Variants in CACNA1S observed in about 807,000 individuals in gnomAD.
The protein encoded by CACNA1S is voltage-dependent L-type calcium channel subunit alpha-1S.
A neutral mutation model predicts 207.4 loss-of-function variants in CACNA1S; 126 were observed. That is an observed-to-expected ratio of 0.61 (90% confidence interval 0.53 to 0.70). CACNA1S has a LOEUF of 0.70. Ranked by LOEUF, CACNA1S falls within the 30% of genes least tolerant of loss-of-function variation. The pLI is 0.00. For synonymous variants in CACNA1S, 960 were observed against 932.7 expected (o/e 1.03, Z -0.53); for missense variants, 2,349 against 2,422.8 (o/e 0.97, Z 0.64).
chr1:201,091,399 G>GGC (rs553897304), intron 5 of CACNA1S, among the ~76,000 whole-genome samples: 5 of 86,910 alleles, frequency 5.8e-5, no homozygotes, highest in African/African-American at 2.1e-4. Flanking sequence ...ATGTGGGGCA[G>GGC]GGGGGTGACG....
intron 31 of CACNA1S, among the ~76,000 whole-genome samples, 156 bp from the exon 32 acceptor site, chr1:201,052,804 C>A (rs577281670): frequency 6.6e-6 from 1 of 151,850 alleles, no homozygotes; most frequent in African/African-American, 2.4e-5. Flanking sequence ...CCAAAAAAAA[C>A]GGGATTATTT....
chr1:201,050,576 G>A lies in CACNA1S; in HGVS notation c.4114-60C>T, dbSNP rs373014329. 1.4e-5 allele frequency: 22 copies of A among 1,606,234 alleles called. No individual in the cohort carries two copies. The African/African-American group carries it at 1.9e-4, about 14-fold the overall frequency. On this transcript the variant is annotated intron_variant, in intron 33 of 43. Coordinates refer to ENST00000362061, the MANE Select transcript of CACNA1S (RefSeq NM_000069.3). ...AAGGCAGGTGGTACAGGGTTAGGGT[G>A]GGGGAGCTGGGAGGTGTCCACTGGC... is the stretch of plus-strand genomic sequence containing the variant.
At chr1:201,065,146 C>T (rs1404416096) in intron 22 of CACNA1S, among the ~76,000 whole-genome samples, 2 of 152,164 alleles carry the variant, frequency 1.3e-5, no homozygotes, top group East Asian at 1.9e-4. Flanking sequence ...CCAAGAGGCC[C>T]GGGATGGATG....
intron 13 of CACNA1S, 33 bp downstream of exon 13, chr1:201,075,462 G>T: frequency 2.1e-5 from 31 of 1,456,966 alleles, no homozygotes; most frequent in Non-Finnish European, 2.9e-5. Context: ...CCCTCCCTAA[G>T]CTCTTTTCTG....
At chr1:201,077,341 A>G (rs1661667357) in intron 11 of CACNA1S, among the ~76,000 whole-genome samples, 1 of 152,146 alleles carries the variant, frequency 6.6e-6, no homozygotes, top group South Asian at 2.1e-4. Context: ...GGTTAATATG[A>G]CTATTGATTA....
At chr1:201,048,182 G>A (rs777001117) in intron 36 of CACNA1S, among the ~76,000 whole-genome samples, 1 of 152,200 alleles carries the variant, frequency 6.6e-6, no homozygotes, top group Non-Finnish European at 1.5e-5. Context: ...CTCCCACCAT[G>A]CTTGTCTTCC....
rs201708136 is a variant in CACNA1S at position 201,101,596 on chromosome 1, A to AG, written c.259-7576dup. 1.2e-4 allele frequency among the ~76,000 whole-genome samples: 19 copies of AG among 152,264 alleles called. No homozygotes were observed. The East Asian group carries it at 1.4e-3, about 11-fold the overall frequency. ...ATGCATCTGCTCCCAGATGCAGGAG[A>AG]GGGTGAGAGAGACTCGCACCTTTCA... On this transcript the variant is annotated intron_variant, in intron 2 of 43. Transcript: ENST00000362061.
chr1:201,066,965 T>C lies in CACNA1S; in HGVS notation c.2579A>G (p.Lys860Arg), dbSNP rs1478547389. Residue 860 changes from lysine (K) to arginine (R), a missense_variant, in exon 20 of 44, where the codon AAG becomes AGG. Coordinates refer to ENST00000362061, the MANE Select transcript of CACNA1S (RefSeq NM_000069.3). This position sits in a 1 kb window ranked among gnomAD's most constrained non-coding sequence, Gnocchi z 4.3. ...KMTTYGAFLHKGSFCRNYFNM... is the reference protein window; with the variant it reads ...KMTTYGAFLHRGSFCRNYFNM... ...GAAGTAATTGCGGCAGAAGGAACCC[T>C]TGTGCAGGAAGGCTCCGTAGGTCGT... is the stretch of plus-strand genomic sequence containing the variant. 1 of 1,614,092 alleles carries C rather than the reference T, an allele frequency of 6.2e-7. No homozygotes were observed. Among genetic ancestry groups the C allele is most frequent in the East Asian group, 2.2e-5 (1 of 44,884 alleles).
chr1:201,056,050 CACAG>C (rs1385008249), intron 28 of CACNA1S, among the ~76,000 whole-genome samples: 45 of 140,674 alleles, frequency 3.2e-4, no homozygotes, highest in Non-Finnish European at 5.1e-4. Flanking sequence ...AACACACACA[CACAG>C]ACAGACAGAC....
chr1:201,071,761 G>T (rs1661441820), intron 16 of CACNA1S, among the ~76,000 whole-genome samples: 1 of 152,172 alleles, frequency 6.6e-6, no homozygotes, highest in Non-Finnish European at 1.5e-5. Context: ...AACTCAAAAT[G>T]AGTTATTCTA....
intron 2 of CACNA1S, among the ~76,000 whole-genome samples, chr1:201,095,338 C>T (rs955770822): frequency 6.6e-6 from 1 of 152,166 alleles, no homozygotes; most frequent in African/African-American, 2.4e-5. Flanking sequence ...ACCAGGGGCC[C>T]ACCCCATCAG....
chr1:201,062,060 G>T lies in CACNA1S; in HGVS notation c.2937C>A (p.Asp979Glu), dbSNP rs1425829055. The change falls in exon 24 of 44, where the codon GAC becomes GAA. Residue 979 changes from aspartate to glutamate, a missense_variant. Asp to Glu is a conservative substitution (Grantham distance 45). Coordinates refer to ENST00000362061, the MANE Select transcript of CACNA1S (RefSeq NM_000069.3). ...RGYYYVYKDGDPMQIELRHRE... is the reference protein window; with the variant it reads ...RGYYYVYKDGEPMQIELRHRE... Reference sequence around the variant, plus strand: ...GGTGACGCAGCTCTATCTGCATGGGGTCCCCGTCCTTGTACACGTAGTAGT... The same window carrying T: ...GGTGACGCAGCTCTATCTGCATGGGTTCCCCGTCCTTGTACACGTAGTAGT... 4 of 1,613,990 alleles carry T rather than the reference G, an allele frequency of 2.5e-6. No individual in the cohort carries two copies. Among genetic ancestry groups the T allele is most frequent in the African/African-American group, 1.3e-5 (1 of 74,938 alleles).
At chr1:201,073,101 G>C (rs1473822201) in intron 15 of CACNA1S, among the ~76,000 whole-genome samples, 1 of 152,214 alleles carries the variant, frequency 6.6e-6, no homozygotes, top group East Asian at 1.9e-4. Flanking sequence ...CCAGAAGGGA[G>C]TTGAGCTTCC....
chr1:201,112,155 A>AC lies in CACNA1S; in HGVS notation c.152+32dup, dbSNP rs112984935. On this transcript the variant is annotated intron_variant, in intron 1 of 43. Transcript: ENST00000362061. ...CCCGAATCCCTCCCTCATGACGCAC[A>AC]CCCCCCCCCACGGCCCGGGCCCTGA... 0.034 allele frequency: 47,538 copies of AC among 1,398,670 alleles called. 198 individuals are homozygous for AC. Among genetic ancestry groups the AC allele is most frequent in the Non-Finnish European group, 0.039 (39,850 of 1,019,168 alleles). 86.6% of individuals were successfully genotyped at this position (1,398,670 alleles called of 1,614,324 possible).
At chr1:201,082,764 T>C (rs1661881627) in intron 10 of CACNA1S, among the ~76,000 whole-genome samples, 1 of 152,180 alleles carries the variant, frequency 6.6e-6, no homozygotes, top group South Asian at 2.1e-4. Flanking sequence ...AATAAATAGT[T>C]GGTGAAAGAC....
At position 201,049,051 on chromosome 1, in the gene CACNA1S, C is replaced by T. The variant is rs1660566460; in HGVS notation, c.4290G>A (p.Gln1430=). 4.3e-6 allele frequency: 7 copies of T among 1,613,750 alleles called. No individual in the cohort carries two copies. The highest frequency in any genetic ancestry group is 5.9e-6 in the Non-Finnish European group (7 of 1,179,920). ...AGAACTTCCCAAAGCCCAGAGGGGGCTGAATCCTTCTCAGCAGGGTCACCA... is the reference window on the plus strand; with the variant it reads ...AGAACTTCCCAAAGCCCAGAGGGGGTTGAATCCTTCTCAGCAGGGTCACCA... The part of the protein sequence containing the change: ...LDVVTLLRRI[Q]PPLGFGKFCP... The change falls in exon 35 of 44, where the codon CAG becomes CAA. Residue 1430 remains glutamine, a synonymous_variant. Coordinates refer to ENST00000362061, the MANE Select transcript of CACNA1S (RefSeq NM_000069.3).
chr1:201,089,603 C>T lies in CACNA1S; in HGVS notation c.695-140G>A, dbSNP rs548224793. 5 of 824,218 alleles carry T rather than the reference C, an allele frequency of 6.1e-6. No homozygotes were observed. In the South Asian group the frequency reaches 7.4e-5, roughly 12 times the overall value. 51.1% of individuals were successfully genotyped at this position (824,218 alleles called of 1,614,324 possible). ...GCTGAAAATGCAAAAGACAGCTTCA[C>T]ATGGAGCAGACGGTGACAGTGAAGA... On this transcript the variant is annotated intron_variant, in intron 5 of 43. Transcript: ENST00000362061.
At position 201,043,509 on chromosome 1, in the gene CACNA1S, T is replaced by C; in HGVS notation, c.4820A>G (p.Gln1607Arg). ...IFRRTGGLFG[Q>R]VDNFLERTNS... is the part of the protein sequence containing the mutation. ...GGTCCTTTCCAGGAAGTTGTCCACCTGGCCAAACAGGCCTCCAGTCCTCTA... is the reference window on the plus strand; with the variant it reads ...GGTCCTTTCCAGGAAGTTGTCCACCCGGCCAAACAGGCCTCCAGTCCTCTA... Residue 1607 changes from glutamine to arginine, a missense_variant, in exon 40 of 44, where the codon CAG (glutamine) becomes CGG (arginine). Transcript: ENST00000362061. 6.2e-7 allele frequency: 1 copy of C among 1,613,904 alleles called. No individual in the cohort carries two copies. The highest frequency in any genetic ancestry group is 8.5e-7 in the Non-Finnish European group (1 of 1,179,994).
chr1:201,097,661 T>A (rs891070358), intron 2 of CACNA1S, among the ~76,000 whole-genome samples: 15 of 152,200 alleles, frequency 9.9e-5, no homozygotes, highest in African/African-American at 3.6e-4. Context: ...ACTGTGGGGA[T>A]TCTCCATGGC....
Sources: allele counts gnomAD v4.1 joint callset (sites outside exome capture counted in the v4.1 genomes callset), GRCh38; gene constraint gnomAD v4.1.1; non-coding constraint Gnocchi (gnomAD v3.1); transcripts MANE v1.5; gene names NCBI Gene and HGNC (gene_info 2026-07-23, HGNC 2026-07-21).